PAX7: variants seen among roughly 807,000 people sequenced by gnomAD.
PAX7 encodes paired box 7, also known as paired box protein Pax-7.
In PAX7, 18 loss-of-function variants were observed where a neutral mutation model predicts 50.7. The observed-to-expected ratio is 0.36, with a 90% confidence interval of 0.25 to 0.53. PAX7 has a LOEUF of 0.53. PAX7 is among the 20% of genes least tolerant of loss of function. The pLI is 0.93. For missense variants in PAX7, 644 were observed against 702.9 expected, an observed-to-expected ratio of 0.92 and a Z score of 0.95; for synonymous variants, 310 against 290.4, an observed-to-expected ratio of 1.07 and a Z score of -0.69.
At chr1:18,635,525 GGAAA>G (rs1570100767) in intron 3 of PAX7, among the ~76,000 whole-genome samples, 1 of 148,150 alleles carries the variant, frequency 6.7e-6, no homozygotes, top group African/African-American at 2.5e-5. Flanking sequence ...AAGGAAGGAA[GGAAA>G]GAAGGAAGGA....
chr1:18,635,274 A>G (rs2088131687), intron 3 of PAX7, 34 bp downstream of exon 3: 2 of 1,610,976 alleles, frequency 1.2e-6, no homozygotes, highest in Non-Finnish European at 1.7e-6. Flanking sequence ...GAGCTGGCCC[A>G]GAGTGTGGCC....
chr1:18,655,077 T>G (rs2088493502), intron 4 of PAX7, among the ~76,000 whole-genome samples: 1 of 152,238 alleles, frequency 6.6e-6, no homozygotes, highest in African/African-American at 2.4e-5. Flanking sequence ...TCATTTAATT[T>G]TAACTCTGCT....
intron 4 of PAX7, among the ~76,000 whole-genome samples, chr1:18,658,637 A>G (rs2088558020): frequency 6.6e-6 from 1 of 152,242 alleles, no homozygotes; most frequent in Admixed American, 6.5e-5. Flanking sequence ...CAGGGGTTAA[A>G]GCCAAAAGCA....
chr1:18,699,804 G>A (rs2282700), intron 5 of PAX7, among the ~76,000 whole-genome samples: 22,648 of 151,786 alleles, frequency 0.15, 2,562 homozygotes, highest in African/African-American at 0.31. Flanking sequence ...CTCGTGATCC[G>A]CCCGCCTCGG....
intron 7 of PAX7, among the ~76,000 whole-genome samples, chr1:18,718,339 G>A (rs1324506552): frequency 6.6e-6 from 1 of 152,202 alleles, no homozygotes; most frequent in Non-Finnish European, 1.5e-5. Context: ...TTTGCAGGGT[G>A]GGGCGATTGA....
At chr1:18,641,958 C>A (rs989054809) in intron 4 of PAX7, among the ~76,000 whole-genome samples, 1 of 151,434 alleles carries the variant, frequency 6.6e-6, no homozygotes, top group East Asian at 1.9e-4. Flanking sequence ...TAACCTCCCC[C>A]CCCCCAACTC....
intron 1 of PAX7, among the ~76,000 whole-genome samples, chr1:18,633,740 A>C (rs1459265380): frequency 6.6e-6 from 1 of 152,216 alleles, no homozygotes; most frequent in Non-Finnish European, 1.5e-5. Context: ...GGCTCTAGCC[A>C]GAGCTGTAAA....
chr1:18,636,648 C>T lies in PAX7; in HGVS notation c.586+277C>T, dbSNP rs775128227. ...GTCCCGGGAGAGCCCGGCTGCGGGGCTGCGCGCCTGGTCTACCCCAATACT... is the reference window on the plus strand; with the variant it reads ...GTCCCGGGAGAGCCCGGCTGCGGGGTTGCGCGCCTGGTCTACCCCAATACT... On this transcript the variant is annotated intron_variant, in intron 4 of 8. Transcript: ENST00000420770. The surrounding 1 kb of genome is among the most constrained non-coding windows in gnomAD (Gnocchi z 5.1). Among the ~76,000 whole-genome samples the T allele has an allele frequency of 2.0e-5, 3 of 152,130 alleles. No homozygotes were observed. The highest frequency in any genetic ancestry group is 4.4e-5 in the Non-Finnish European group (3 of 68,016).
At chr1:18,673,879 G>A (rs183877733) in intron 4 of PAX7, among the ~76,000 whole-genome samples, 176 of 152,342 alleles carry the variant, frequency 1.2e-3, no homozygotes, top group Non-Finnish European at 2.1e-3. Context: ...GGGGGAATTC[G>A]ACGGAATATC....
At chr1:18,689,021 C>G (rs980628111) in intron 4 of PAX7, among the ~76,000 whole-genome samples, 1 of 152,192 alleles carries the variant, frequency 6.6e-6, no homozygotes, top group East Asian at 1.9e-4. Flanking sequence ...CCTGTGTCTG[C>G]CCTCATCTCT....
intron 4 of PAX7, among the ~76,000 whole-genome samples, chr1:18,649,864 G>C (rs1051860736): frequency 1.3e-5 from 2 of 152,246 alleles, no homozygotes; most frequent in Admixed American, 6.5e-5. Flanking sequence ...CATTCTGGAA[G>C]AGCCGCTTCA....
intron 4 of PAX7, among the ~76,000 whole-genome samples, chr1:18,659,208 A>G (rs2088566035): frequency 2.6e-5 from 4 of 152,188 alleles, no homozygotes; most frequent in Admixed American, 2.6e-4. Flanking sequence ...GAGAGCAAGG[A>G]CCAGTCAACT....
intron 4 of PAX7, among the ~76,000 whole-genome samples, chr1:18,690,028 G>T (rs545793): frequency 6.6e-6 from 1 of 151,922 alleles, no homozygotes; most frequent in Non-Finnish European, 1.5e-5. Flanking sequence ...TACCTTTCTG[G>T]GACTCAGCTT....
chr1:18,726,198 T>C lies in PAX7; in HGVS notation c.1156-9434T>C, dbSNP rs1364035191. ...TGTGTGTCTTTGACTTCTTGGACAATGAGTGGAAAGCCATTCTGTTCCTCC... is the reference window on the plus strand; with the variant it reads ...TGTGTGTCTTTGACTTCTTGGACAACGAGTGGAAAGCCATTCTGTTCCTCC... On this transcript the variant is annotated intron_variant, in intron 7 of 8. Coordinates refer to ENST00000420770, the MANE Select transcript of PAX7 (RefSeq NM_001135254.2). The surrounding 1 kb of genome is among the most constrained non-coding windows in gnomAD (Gnocchi z 4.8). Among the ~76,000 whole-genome samples, 7 of 149,754 alleles carry C rather than the reference T, an allele frequency of 4.7e-5. No individual in the cohort carries two copies. Among genetic ancestry groups the C allele is most frequent in the African/African-American group, 1.7e-4 (7 of 40,500 alleles).
intron 4 of PAX7, among the ~76,000 whole-genome samples, chr1:18,677,155 G>A (rs1032696841): frequency 3.3e-5 from 5 of 152,226 alleles, no homozygotes; most frequent in African/African-American, 9.6e-5. Flanking sequence ...CCTGGAGGCA[G>A]TAGCAGGGGA....
At position 18,747,003 on chromosome 1, in the gene PAX7, C is replaced by T. The variant is rs1020757835; in HGVS notation, c.*2074C>T. On this transcript the variant is annotated 3_prime_UTR_variant, in exon 9 of 9. Coordinates refer to ENST00000420770, the MANE Select transcript of PAX7 (RefSeq NM_001135254.2). Reference sequence around the variant, plus strand: ...CCAGAGACCTTTGGCTCTTCAAGCTCGGGACAAAAAAGAAGACTCTGTTGT... The same window carrying T: ...CCAGAGACCTTTGGCTCTTCAAGCTTGGGACAAAAAAGAAGACTCTGTTGT... 2.6e-5 allele frequency: 6 copies of T among 230,790 alleles called. No individual in the cohort carries two copies. The highest frequency in any genetic ancestry group is 5.6e-5 in the Admixed American group (1 of 17,716). 14.3% of individuals were successfully genotyped at this position (230,790 alleles called of 1,614,324 possible).
intron 4 of PAX7, among the ~76,000 whole-genome samples, chr1:18,678,339 C>T (rs1196348059): frequency 6.6e-6 from 1 of 152,000 alleles, no homozygotes; most frequent in East Asian, 1.9e-4. Context: ...GCGGAGGTTG[C>T]AGTGAGCCGA....
intron 4 of PAX7, among the ~76,000 whole-genome samples, chr1:18,663,738 G>T (rs1260326124): frequency 4.6e-5 from 7 of 152,236 alleles, no homozygotes; most frequent in Non-Finnish European, 8.8e-5. Context: ...ATAATTTGGG[G>T]TACGTGGAGG....
At chr1:18,669,384 G>A (rs755194182) in intron 4 of PAX7, among the ~76,000 whole-genome samples, 2 of 152,150 alleles carry the variant, frequency 1.3e-5, no homozygotes, top group Non-Finnish European at 2.9e-5. Context: ...GTGACCATAT[G>A]GTGGCACCCT....
Sources: gnomAD v4.1 joint callset for allele counts (sites outside exome capture counted in the v4.1 genomes callset) on GRCh38, gnomAD v4.1.1 for gene constraint, Gnocchi (gnomAD v3.1) non-coding constraint, MANE v1.5 for transcripts, NCBI Gene and HGNC (gene_info 2026-07-23, HGNC 2026-07-21) for gene names.